RIMS1: variants seen among roughly 807,000 people sequenced by gnomAD.
RIMS1 encodes the protein regulating synaptic membrane exocytosis protein 1.
RIMS1 carries 83 observed loss-of-function variants against 214.1 expected under a neutral mutation model. The ratio of observed to expected loss-of-function variants is 0.39; its 90% confidence interval spans 0.32 to 0.47. RIMS1 has a LOEUF of 0.47. Ranked by LOEUF, RIMS1 falls within the 20% of genes least tolerant of loss-of-function variation. RIMS1 has a pLI of 0.99. For missense variants in RIMS1, 2,050 were observed against 2,161.8 expected (o/e 0.95, Z 1.03); for synonymous variants, 793 against 786.8 (o/e 1.01, Z -0.13).
At chr6:72,004,105 T>G (rs1806433390) in intron 2 of RIMS1, among the ~76,000 whole-genome samples, 1 of 147,068 alleles carries the variant, frequency 6.8e-6, no homozygotes, top group South Asian at 2.2e-4. Context: ...CACCTCTGAG[T>G]GAGAACATGA....
At chr6:71,957,028 G>A (rs866109676) in intron 1 of RIMS1, among the ~76,000 whole-genome samples, 11 of 152,138 alleles carry the variant, frequency 7.2e-5, no homozygotes, top group South Asian at 6.2e-4. Flanking sequence ...ATTTCTGTCC[G>A]TTGGCCTTTG....
intron 30 of RIMS1, among the ~76,000 whole-genome samples, chr6:72,391,864 A>G (rs941341846): frequency 3.4e-4 from 52 of 152,368 alleles, no homozygotes; most frequent in Middle Eastern, 6.8e-3. Context: ...CTGATATAAA[A>G]AAGTAACAAA....
intron 6 of RIMS1, among the ~76,000 whole-genome samples, chr6:72,226,176 C>T (rs997381316): frequency 1.3e-5 from 2 of 151,902 alleles, no homozygotes; most frequent in African/African-American, 4.8e-5. Context: ...TCAAGTTTTC[C>T]GGAATTTTAA....
intron 4 of RIMS1, among the ~76,000 whole-genome samples, chr6:72,133,470 C>T (rs2040784721): frequency 6.6e-6 from 1 of 152,166 alleles, no homozygotes; most frequent in South Asian, 2.1e-4. Flanking sequence ...AACTTGCAGT[C>T]TGGATCTGAC....
chr6:72,072,679 A>T (rs1217985668), intron 2 of RIMS1, among the ~76,000 whole-genome samples: 1 of 152,200 alleles, frequency 6.6e-6, no homozygotes, highest in Non-Finnish European at 1.5e-5. Flanking sequence ...TACAAAGATG[A>T]GCAAAAAAAG....
In RIMS1 at chr6:72,182,505, A is replaced by T. The variant is rs548068627; in HGVS notation, c.1034A>T (p.Gln345Leu). Reference sequence around the variant, plus strand: ...GGCAAAGCGGCGGATGAGGAAAAGCAAAGAAAAGAGGAGGATTATCAGACC... The same window carrying T: ...GGCAAAGCGGCGGATGAGGAAAAGCTAAGAAAAGAGGAGGATTATCAGACC... ...DEGKAADEEK[Q>L]RKEEDYQTRY... Residue 345 changes from glutamine (Q) to leucine (L), a missense_variant, in exon 6 of 34, where the codon CAA becomes CTA. Physicochemically the swap from Gln to Leu is moderately radical, Grantham distance 113 (BLOSUM62 -2). Transcript: ENST00000521978. The T allele has an allele frequency of 1.3e-6, 2 of 1,599,570 alleles. No individual in the cohort carries two copies. The highest frequency in any genetic ancestry group is 4.5e-5 in the East Asian group (2 of 44,266).
intron 2 of RIMS1, among the ~76,000 whole-genome samples, chr6:72,016,740 A>G (rs543620157): frequency 6.6e-6 from 1 of 152,308 alleles, no homozygotes; most frequent in African/African-American, 2.4e-5. Flanking sequence ...TGTATTTGAC[A>G]GAAAGAGAAT....
intron 28 of RIMS1, among the ~76,000 whole-genome samples, chr6:72,328,115 A>G (rs576765685): frequency 5.9e-5 from 9 of 151,672 alleles, no homozygotes; most frequent in Non-Finnish European, 1.2e-4. Flanking sequence ...ACCATGGAAT[A>G]CTATGCAGCC....
chr6:72,161,911 G>A lies in RIMS1; in HGVS notation c.472-17664G>A, dbSNP rs188334019. On this transcript the variant is annotated intron_variant, in intron 4 of 33. Coordinates refer to ENST00000521978, the MANE Select transcript of RIMS1 (RefSeq NM_014989.7). ...TATAGATGTCTATTAGGTCCGCTTG[G>A]TGCAGAGCTGAGTTCAATTCCTGGA... 3.7e-4 allele frequency among the ~76,000 whole-genome samples: 52 copies of A among 140,880 alleles called. 8 individuals carry two copies. In the East Asian group the frequency reaches 9.7e-3, roughly 26 times the overall value. The allele number at this position is 140,880 out of a possible 152,430, so 92.4% of individuals were successfully genotyped here. A position where few individuals can be genotyped will look rare whatever the true frequency, so the allele number is the denominator to read the frequency against.
intron 2 of RIMS1, among the ~76,000 whole-genome samples, chr6:71,996,119 C>T (rs991141516): frequency 1.3e-5 from 2 of 152,146 alleles, no homozygotes; most frequent in African/African-American, 2.4e-5. Context: ...CAGACCAAGG[C>T]ATCATTTAAC....
chr6:72,106,739 A>G (rs2034822427), intron 4 of RIMS1, among the ~76,000 whole-genome samples: 1 of 152,198 alleles, frequency 6.6e-6, no homozygotes, highest in South Asian at 2.1e-4. Flanking sequence ...GTGTCAGACT[A>G]GTGTATGATG....
intron 1 of RIMS1, among the ~76,000 whole-genome samples, chr6:71,915,958 T>C (rs1778277370): frequency 6.6e-6 from 1 of 152,040 alleles, no homozygotes; most frequent in African/African-American, 2.4e-5. Flanking sequence ...TGAGACTTAT[T>C]CATTATCATG....
At chr6:72,077,980 A>G (rs1832341891) in intron 2 of RIMS1, among the ~76,000 whole-genome samples, 1 of 152,246 alleles carries the variant, frequency 6.6e-6, no homozygotes, top group Non-Finnish European at 1.5e-5. Context: ...TCTAAAATTT[A>G]TAACACAATC....
At chr6:71,903,228 C>T (rs1226993043) in intron 1 of RIMS1, among the ~76,000 whole-genome samples, 2 of 152,052 alleles carry the variant, frequency 1.3e-5, no homozygotes, top group Non-Finnish European at 2.9e-5. Context: ...TTCTGACTGG[C>T]GTGAGGTGGT....
At chr6:72,069,732 C>G (rs1226055855) in intron 2 of RIMS1, among the ~76,000 whole-genome samples, 1 of 152,132 alleles carries the variant, frequency 6.6e-6, no homozygotes, top group African/African-American at 2.4e-5. Context: ...TGAGCGTAGG[C>G]CAATTGTATG....
At chr6:72,247,053 GGCTA>G (rs981836264) in intron 11 of RIMS1, among the ~76,000 whole-genome samples, 5 of 152,062 alleles carry the variant, frequency 3.3e-5, no homozygotes, top group Non-Finnish European at 5.9e-5. Context: ...ATGAAGCATT[GGCTA>G]AGTTTGAATG....
At chr6:72,204,056 G>C (rs1260272151) in intron 6 of RIMS1, among the ~76,000 whole-genome samples, 1 of 152,182 alleles carries the variant, frequency 6.6e-6, no homozygotes, top group Non-Finnish European at 1.5e-5. Flanking sequence ...TATGAATCCA[G>C]GTATGTTTTG....
rs532903712 is a variant in RIMS1 at position 71,931,893 on chromosome 6, T to C, written c.165-37090T>C. On this transcript the variant is annotated intron_variant, in intron 1 of 33. Coordinates refer to ENST00000521978, the MANE Select transcript of RIMS1 (RefSeq NM_014989.7). ...AAAAAAGCTTTAACATCACTGATCA[T>C]TAGAGAAACACAAAAATCAAAACCA... 1.9e-4 allele frequency among the ~76,000 whole-genome samples: 29 copies of C among 152,096 alleles called. No homozygotes were observed. The South Asian group carries it at 5.6e-3, about 29-fold the overall frequency.
At chr6:72,224,700 A>G (rs1250046744) in intron 6 of RIMS1, among the ~76,000 whole-genome samples, 3 of 152,218 alleles carry the variant, frequency 2.0e-5, no homozygotes, top group Non-Finnish European at 4.4e-5. Flanking sequence ...TGAAACATGT[A>G]TATACAATCT....
Sources: gnomAD v4.1 joint callset for allele counts (sites outside exome capture counted in the v4.1 genomes callset) on GRCh38, gnomAD v4.1.1 for gene constraint, MANE v1.5 for transcripts, NCBI Gene and HGNC (gene_info 2026-07-23, HGNC 2026-07-21) for gene names.